Variants in STYXL1 observed in about 807,000 individuals in gnomAD.
The protein encoded by STYXL1 is serine/threonine/tyrosine interacting like 1.
In STYXL1, 32 loss-of-function variants were observed where a neutral mutation model predicts 36.4. That is an observed-to-expected ratio of 0.88 (90% CI 0.66 to 1.18). The LOEUF is 1.18. Among genes scored for constraint, STYXL1 ranks in the 50% most tolerant of loss-of-function variants. The pLI, the probability that STYXL1 is intolerant of heterozygous loss-of-function variation, is 0.00. For missense variants in STYXL1, 354 were observed against 394.1 expected (o/e 0.90, Z 0.86); for synonymous variants, 133 against 144.1 (o/e 0.92, Z 0.55).
At chr7:76,003,705 C>T in intron 7 of STYXL1, 53 bp downstream of exon 7, 1 of 1,547,542 alleles carries the variant, frequency 6.5e-7, no homozygotes, top group Non-Finnish European at 8.9e-7. Context: ...TCCACTGCCC[C>T]TCTGCTTCCC....
intron 5 of STYXL1, among the ~76,000 whole-genome samples, chr7:76,011,093 G>A (rs1195559670): frequency 2.0e-5 from 3 of 152,142 alleles, no homozygotes; most frequent in Non-Finnish European, 4.4e-5. Context: ...GCATGCATCT[G>A]TAGTCCCACC....
At chr7:76,029,390 G>A (rs1554578617) in intron 2 of STYXL1, among the ~76,000 whole-genome samples, 1 of 151,664 alleles carries the variant, frequency 6.6e-6, no homozygotes, top group Non-Finnish European at 1.5e-5. Flanking sequence ...CAGTTGATCC[G>A]CCCACCTCGG....
intron 6 of STYXL1, 29 bp from the exon 7 acceptor site, chr7:76,003,884 G>A (rs1791303198): frequency 1.2e-6 from 2 of 1,608,230 alleles, no homozygotes; most frequent in Non-Finnish European, 8.5e-7. Context: ...CAGGTCATCA[G>A]GTGGAATGCA....
At chr7:76,028,501 G>A (rs782023045) in intron 3 of STYXL1, 141 bp downstream of exon 3, 7 of 713,554 alleles carry the variant, frequency 9.8e-6, no homozygotes, top group East Asian at 2.7e-5. Context: ...GAGGGTGAGA[G>A]GTGTGGAAGA....
At chr7:76,030,569 T>G in intron 1 of STYXL1, 42 bp from the exon 2 acceptor site, 1 of 1,211,014 alleles carries the variant, frequency 8.3e-7, no homozygotes, top group Non-Finnish European at 1.2e-6. Context: ...ATAACTCTAT[T>G]TTAGATGAAT....
Position 76,013,304 on chromosome 7 carries a change from C to T in STYXL1, c.453+438G>A, listed in dbSNP as rs1311709036. Among the ~76,000 whole-genome samples the T allele has an allele frequency of 5.2e-5, 7 of 133,772 alleles. No homozygotes were observed. The South Asian group carries it at 6.8e-4, about 13-fold the overall frequency. 87.8% of individuals were successfully genotyped at this position (133,772 alleles called of 152,430 possible). A position where few individuals can be genotyped will look rare whatever the true frequency, so the allele number is the denominator to read the frequency against. The stretch of plus-strand genomic sequence containing the variant: ...TGGCACCACTGCACTCCAGCCTGGG[C>T]GACAGAGCGAGACTCCGTCTCAAAA... On this transcript the variant is annotated intron_variant, in intron 5 of 8. Transcript: ENST00000359697.
At chr7:76,041,360 G>C (rs1554582122) in intron 1 of STYXL1, among the ~76,000 whole-genome samples, 2 of 152,078 alleles carry the variant, frequency 1.3e-5, no homozygotes, top group African/African-American at 4.8e-5. Context: ...GTGTGTAGGG[G>C]TGGGGTGAGG....
chr7:76,002,655 G>C (rs1791102763), intron 7 of STYXL1, among the ~76,000 whole-genome samples: 1 of 152,194 alleles, frequency 6.6e-6, no homozygotes, highest in Non-Finnish European at 1.5e-5. Flanking sequence ...TGGGTGTGGT[G>C]GCTCACGCCT....
rs1159067824 is a variant in STYXL1, at chr7:76,026,192, CAAAAAAAAAAAAAA to C, written c.165+2436_165+2449del. Among the ~76,000 whole-genome samples, 99 of 18,598 alleles carry C rather than the reference CAAAAAAAAAAAAAA, an allele frequency of 5.3e-3. 1 individual carries two copies. The highest frequency in any genetic ancestry group is 6.9e-3 in the Non-Finnish European group (79 of 11,466). 12.2% of individuals were successfully genotyped at this position (18,598 alleles called of 152,430 possible). On this transcript the variant is annotated intron_variant, in intron 3 of 8. Transcript: ENST00000359697. ...GGAGGACAGAGCAAGACTCTGTCTCCAAAAAAAAAAAAAAAAAAAAAAAAAAAAAAAAAAAAAGC... is the reference window on the plus strand; with the variant it reads ...GGAGGACAGAGCAAGACTCTGTCTCCAAAAAAAAAAAAAAAAAAAAAAAGC...
intron 1 of STYXL1, among the ~76,000 whole-genome samples, chr7:76,042,390 C>CTGTTTTTTTTTTT (rs1796553241): frequency 2.4e-5 from 1 of 41,816 alleles, no homozygotes; most frequent in African/African-American, 6.3e-5. Context: ...CCCTTATGTG[C>CTGTTTTTTTTTTT]TTTTTTTTTT....
At chr7:76,020,978 T>C (rs1793985093) in intron 4 of STYXL1, among the ~76,000 whole-genome samples, 1 of 152,184 alleles carries the variant, frequency 6.6e-6, no homozygotes, top group African/African-American at 2.4e-5. Flanking sequence ...TTGCAGCACA[T>C]TCAGCATTCA....
chr7:76,027,048 G>C (rs1426100091), intron 3 of STYXL1, among the ~76,000 whole-genome samples: 1 of 151,878 alleles, frequency 6.6e-6, no homozygotes, highest in Non-Finnish European at 1.5e-5. Flanking sequence ...GGGTGACAGG[G>C]AGAGATTCTG....
chr7:76,015,756 G>A (rs1270035072), intron 4 of STYXL1, among the ~76,000 whole-genome samples: 1 of 152,228 alleles, frequency 6.6e-6, no homozygotes, highest in Non-Finnish European at 1.5e-5. Flanking sequence ...GCGTGTCTGT[G>A]AGGGTGTTGC....
At chr7:76,019,282 CTTTTTTTTTTT>C (rs112308010) in intron 4 of STYXL1, among the ~76,000 whole-genome samples, 1 of 136,532 alleles carries the variant, frequency 7.3e-6, no homozygotes, top group African/African-American at 2.7e-5. Context: ...CTGTTTTTTT[CTTTTTTTTTTT>C]TTTTTAAATA....
At chr7:76,022,105 C>T (rs956070152) in intron 3 of STYXL1, 113 bp from the exon 4 acceptor site, 4 of 1,502,560 alleles carry the variant, frequency 2.7e-6, no homozygotes, top group Admixed American at 4.5e-5. Context: ...ACTCTCTCCC[C>T]TGACTATACA....
rs563793290 is a variant in STYXL1, at chr7:76,003,541, G to C, written c.697+217C>G. Among the ~76,000 whole-genome samples, 13 of 152,320 alleles carry C rather than the reference G, an allele frequency of 8.5e-5. No individual in the cohort carries two copies. The South Asian group carries it at 2.5e-3, about 29-fold the overall frequency. ...GAGCCTTGGGCCCCACTGCCCCCGA[G>C]GTAAACACCACGGTTGCTCGTTTCA... On this transcript the variant is annotated intron_variant, in intron 7 of 8. Transcript: ENST00000359697.
rs1554563884 is a variant in STYXL1 at position 75,996,384 on chromosome 7, C to T, written c.*84G>A. 1 of 1,612,058 alleles carries T rather than the reference C, an allele frequency of 6.2e-7. No individual in the cohort carries two copies. The highest frequency in any genetic ancestry group is 2.2e-5 in the East Asian group (1 of 44,836). On this transcript the variant is annotated 3_prime_UTR_variant, in exon 9 of 9. Transcript: ENST00000359697. ...AAAGGCCTTCTCCTTCCAGACAAGCCTGGGTATACACACTCTGGCCCTCCA... is the reference window on the plus strand; with the variant it reads ...AAAGGCCTTCTCCTTCCAGACAAGCTTGGGTATACACACTCTGGCCCTCCA...
intron 4 of STYXL1, among the ~76,000 whole-genome samples, chr7:76,017,866 C>CAAAAAAAAAAAAAAAAAA (rs71082374): frequency 0.13 from 1,370 of 10,292 alleles, 576 homozygotes; most frequent in Non-Finnish European, 0.22. Flanking sequence ...AACTCCATCT[C>CAAAAAAAAAAAAAAAAAA]AAAAAAAAAA....
At chr7:76,006,908 T>G (rs1296260939) in intron 5 of STYXL1, among the ~76,000 whole-genome samples, 2 of 151,898 alleles carry the variant, frequency 1.3e-5, no homozygotes, top group African/African-American at 4.8e-5. Context: ...GAGAAAAGGG[T>G]TCAGGGGTTC....
Sources: gnomAD v4.1 joint callset for allele counts (sites outside exome capture counted in the v4.1 genomes callset) on GRCh38, gnomAD v4.1.1 for gene constraint, MANE v1.5 for transcripts, NCBI Gene and HGNC (gene_info 2026-07-23, HGNC 2026-07-21) for gene names.